Variants in CRKL observed in about 807,000 individuals in gnomAD.
CRKL encodes the protein CRK like proto-oncogene, adaptor protein.
A neutral mutation model predicts 23.0 loss-of-function variants in CRKL; 3 were observed. The ratio of observed to expected loss-of-function variants is 0.13; its 90% CI spans 0.06 to 0.34. The LOEUF (loss-of-function observed/expected upper bound fraction) is 0.34, where lower values mean the gene tolerates loss of function less well. Ranked by LOEUF, CRKL falls within the 10% of genes least tolerant of loss-of-function variation. The pLI, the probability that CRKL is intolerant of heterozygous loss-of-function variation, is 1.00. For synonymous variants in CRKL, 188 were observed against 160.7 expected (o/e 1.17, Z -1.28); for missense variants, 256 against 394.5 (o/e 0.65, Z 2.97).
chr22:20,942,328 C>T (rs1194764690), intron 2 of CRKL, among the ~76,000 whole-genome samples: 1 of 152,204 alleles, frequency 6.6e-6, no homozygotes, highest in Non-Finnish European at 1.5e-5. Flanking sequence ...GGGAAGATCA[C>T]TTGAGGCAAG....
chr22:20,920,657 C>A (rs73390465), intron 1 of CRKL, among the ~76,000 whole-genome samples: 3 of 152,090 alleles, frequency 2.0e-5, no homozygotes, highest in African/African-American at 7.2e-5. Flanking sequence ...TGCCCTCTTT[C>A]GTCCTTCCTT....
rs532930393 is a variant in CRKL at position 20,927,192 on chromosome 22, A to ATTTTTTTTTTTTTTTTTTTTTTTTTTTTT, written c.312-6569_312-6568insTTTTTTTTTTTTTTTTTTTTTTTTTTTTT. ...AGTACTTAGCTCATCTTGGAATTGAATTTTTTTTTTTTTTTTTTGAGACAG... is the reference window on the plus strand; with the variant it reads ...AGTACTTAGCTCATCTTGGAATTGAATTTTTTTTTTTTTTTTTTTTTTTTTTTTTTTTTTTTTTTTTTTTTTTGAGACAG... On this transcript the variant is annotated intron_variant, in intron 1 of 2. Coordinates refer to ENST00000354336, the MANE Select transcript of CRKL (RefSeq NM_005207.4). Among the ~76,000 whole-genome samples, 39 of 81,964 alleles carry ATTTTTTTTTTTTTTTTTTTTTTTTTTTTT rather than the reference A, an allele frequency of 4.8e-4. 7 individuals are homozygous for ATTTTTTTTTTTTTTTTTTTTTTTTTTTTT. Among genetic ancestry groups the ATTTTTTTTTTTTTTTTTTTTTTTTTTTTT allele is most frequent in the Non-Finnish European group, 5.6e-4 (28 of 49,764 alleles). 53.8% of individuals were successfully genotyped at this position (81,964 alleles called of 152,430 possible).
At chr22:20,925,921 A>G (rs886124668) in intron 1 of CRKL, among the ~76,000 whole-genome samples, 1 of 152,228 alleles carries the variant, frequency 6.6e-6, no homozygotes, top group African/African-American at 2.4e-5. Flanking sequence ...ATCTAATGGA[A>G]GTAAACCATG....
chr22:20,949,850 T>C lies in CRKL; in HGVS notation c.*5T>C, dbSNP rs1922200876. ...AACCCAGATGAAAACGAGTGATTGCTGTTGCCCTGTTTCCTGCTGCTTTGT... is the reference window on the plus strand; with the variant it reads ...AACCCAGATGAAAACGAGTGATTGCCGTTGCCCTGTTTCCTGCTGCTTTGT... On this transcript the variant is annotated 3_prime_UTR_variant, in exon 3 of 3. Coordinates refer to ENST00000354336, the MANE Select transcript of CRKL (RefSeq NM_005207.4). 1.2e-6 allele frequency: 2 copies of C among 1,603,426 alleles called. No homozygotes were observed. The highest frequency in any genetic ancestry group is 1.7e-6 in the Non-Finnish European group (2 of 1,175,812).
intron 1 of CRKL, among the ~76,000 whole-genome samples, chr22:20,920,498 CAA>C (rs370186040): frequency 1.5e-5 from 2 of 133,628 alleles, no homozygotes; most frequent in African/African-American, 2.8e-5. Context: ...GACTCTGTCT[CAA>C]AAAAAAAAAA....
intron 1 of CRKL, among the ~76,000 whole-genome samples, chr22:20,926,344 G>T (rs1387660125): frequency 6.6e-6 from 1 of 152,136 alleles, no homozygotes; most frequent in Non-Finnish European, 1.5e-5. Flanking sequence ...GGTGGGGAAA[G>T]ATCTGAAGGA....
At chr22:20,918,949 ACCCCACCCCCAC>A (rs1206123678) in intron 1 of CRKL, among the ~76,000 whole-genome samples, 9 of 111,594 alleles carry the variant, frequency 8.1e-5, no homozygotes, top group East Asian at 2.6e-4. Context: ...AGCACTCACC[ACCCCACCCCCAC>A]CCCCACCCCC....
intron 1 of CRKL, among the ~76,000 whole-genome samples, chr22:20,921,750 T>A (rs1307962724): frequency 2.0e-5 from 3 of 151,882 alleles, no homozygotes; most frequent in African/African-American, 7.3e-5. Context: ...AGTCTTGCTC[T>A]GTCGCCCAGG....
At chr22:20,935,268 A>C (rs934258925) in intron 2 of CRKL, among the ~76,000 whole-genome samples, 1 of 151,806 alleles carries the variant, frequency 6.6e-6, no homozygotes, top group Non-Finnish European at 1.5e-5. Flanking sequence ...GCCTGCCACC[A>C]TGCCCGTCGA....
At chr22:20,929,633 T>A (rs1921366909) in intron 1 of CRKL, among the ~76,000 whole-genome samples, 1 of 152,076 alleles carries the variant, frequency 6.6e-6, no homozygotes, top group Non-Finnish European at 1.5e-5. Flanking sequence ...CTGGCTAATT[T>A]TTGTATTTTA....
chr22:20,922,006 CTTTTTTTT>C (rs66728040), intron 1 of CRKL, among the ~76,000 whole-genome samples: 79 of 69,940 alleles, frequency 1.1e-3, no homozygotes, highest in Admixed American at 3.3e-3. Flanking sequence ...CTGCGCCCGG[CTTTTTTTT>C]TTTTTTTTTT....
intron 1 of CRKL, among the ~76,000 whole-genome samples, chr22:20,924,905 C>T (rs1921139032): frequency 1.3e-5 from 2 of 151,764 alleles, no homozygotes; most frequent in South Asian, 2.1e-4. Flanking sequence ...GAGTTGTGTT[C>T]CCAGCCGGAT....
chr22:20,947,975 C>T (rs1191376080), intron 2 of CRKL, among the ~76,000 whole-genome samples: 7 of 152,228 alleles, frequency 4.6e-5, no homozygotes, highest in Middle Eastern at 3.4e-3. Context: ...TGAGCCACTG[C>T]GCCCGGCCAC....
chr22:20,948,105 G>A (rs1922135898), intron 2 of CRKL, among the ~76,000 whole-genome samples: 1 of 152,220 alleles, frequency 6.6e-6, no homozygotes, highest in African/African-American at 2.4e-5. Context: ...TAGATGTTCA[G>A]TAAATTTATT....
rs117829705 is a variant in CRKL, at chr22:20,922,368, T to C, written c.311+4123T>C. Reference sequence around the variant, plus strand: ...GAAAGGGGGACATATAAAATGAGTTTGGAGATAAAGATCAGGGTCAGGAAT... The same window carrying C: ...GAAAGGGGGACATATAAAATGAGTTCGGAGATAAAGATCAGGGTCAGGAAT... On this transcript the variant is annotated intron_variant, in intron 1 of 2. Transcript: ENST00000354336. 5.6e-4 allele frequency among the ~76,000 whole-genome samples: 85 copies of C among 152,088 alleles called. 1 individual carries two copies. Among genetic ancestry groups the C allele is most frequent in the Non-Finnish European group, 1.0e-3 (71 of 67,970 alleles).
At position 20,949,919 on chromosome 22, in the gene CRKL, C is replaced by T; in HGVS notation, c.*74C>T. 6.5e-7 allele frequency: 1 copy of T among 1,528,042 alleles called. No homozygotes were observed. Among genetic ancestry groups the T allele is most frequent in the African/African-American group, 1.4e-5 (1 of 71,376 alleles). The allele number at this position is 1,528,042 out of a possible 1,614,324, so 94.7% of individuals were successfully genotyped here. A position where few individuals can be genotyped will look rare whatever the true frequency, so the allele number is the denominator to read the frequency against. ...CTCCTTTGAAGTGGGAAAGCATTTT[C>T]TCTCATAGGCAAGTCACACTGCATT... On this transcript the variant is annotated 3_prime_UTR_variant, in exon 3 of 3. Transcript: ENST00000354336.
At chr22:20,930,787 TCTCCTGCCTCAGCCTC>T (rs570887590) in intron 1 of CRKL, among the ~76,000 whole-genome samples, 4 of 146,832 alleles carry the variant, frequency 2.7e-5, no homozygotes, top group Non-Finnish European at 4.5e-5. Context: ...TTTACACCAT[TCTCCTGCCTCAGCCTC>T]CCGAGTGGCT....
intron 1 of CRKL, among the ~76,000 whole-genome samples, chr22:20,927,132 A>AAAAAAAAAAAAAAAAAAAAG: frequency 7.1e-6 from 1 of 141,416 alleles, no homozygotes; most frequent in East Asian, 2.1e-4. Context: ...AAAAAAAAAA[A>AAAAAAAAAAAAAAAAAAAAG]AAAAGAATGG....
At chr22:20,926,166 GTAGATGATGGGCAGGAAC>G (rs1383063884) in intron 1 of CRKL, among the ~76,000 whole-genome samples, 5 of 152,212 alleles carry the variant, frequency 3.3e-5, no homozygotes, top group Non-Finnish European at 7.4e-5. Flanking sequence ...TATAATTAAT[GTAGATGATGGGCAGGAAC>G]CTAGGAAGGA....
Sources: gnomAD v4.1 joint callset for allele counts (sites outside exome capture counted in the v4.1 genomes callset) on GRCh38, gnomAD v4.1.1 for gene constraint, MANE v1.5 for transcripts, NCBI Gene and HGNC (gene_info 2026-07-23, HGNC 2026-07-21) for gene names.